Variants in RC3H2 observed in about 807,000 individuals in gnomAD.
RC3H2 encodes ring finger and CCCH-type domains 2.
Under a neutral mutation model 133.3 loss-of-function variants are expected in RC3H2, and 31 were observed. The ratio of observed to expected loss-of-function variants is 0.23; its 90% CI spans 0.17 to 0.31. The LOEUF is 0.31. Ranked by LOEUF, RC3H2 falls within the 10% of genes least tolerant of loss-of-function variation. The pLI, the probability that RC3H2 is intolerant of heterozygous loss-of-function variation, is 1.00. For synonymous variants in RC3H2, 517 were observed against 502.2 expected (o/e 1.03, Z -0.40); for missense variants, 1,175 against 1,437.2 (o/e 0.82, Z 2.95).
At position 122,875,271 on chromosome 9, in the gene RC3H2, C is replaced by T. The variant is rs938333692; in HGVS notation, c.1325+2200G>A. On this transcript the variant is annotated intron_variant, in intron 9 of 20. Transcript: ENST00000357244. Reference sequence around the variant, plus strand: ...GCACACACACTTATCTTCTCTCTATCACAATGCTGCTGCTTGTAGAGCTCA... The same window carrying T: ...GCACACACACTTATCTTCTCTCTATTACAATGCTGCTGCTTGTAGAGCTCA... 5 of 1,550,836 alleles carry T rather than the reference C, an allele frequency of 3.2e-6. No homozygotes were observed. The African/African-American group carries it at 5.5e-5, about 17-fold the overall frequency.
chr9:122,858,008 G>A lies in RC3H2; in HGVS notation c.2369C>T (p.Ala790Val), dbSNP rs1271929051. 2 of 1,614,142 alleles carry A rather than the reference G, an allele frequency of 1.2e-6. No homozygotes were observed. Among genetic ancestry groups the A allele is most frequent in the East Asian group, 4.5e-5 (2 of 44,876 alleles). The part of the protein sequence containing the change: ...DQWAQYHTQK[A>V]PLVSSTLPVA... ...AGGAAGAGTTGAAGAGACAAGAGGT[G>A]CTTTCTGAGTGTGGTACTGTGCCCA... The change falls in exon 13 of 21, where the codon GCA becomes GTA. Residue 790 changes from alanine to valine, a missense_variant. By Grantham distance (64) the Ala-to-Val change is moderately conservative. Transcript: ENST00000357244.
intron 1 of RC3H2, 26 bp downstream of exon 1, chr9:122,905,084 C>G: frequency 1.0e-6 from 1 of 985,224 alleles, no homozygotes; most frequent in Non-Finnish European, 1.2e-6. Flanking sequence ...GGGGCCCGAG[C>G]CGCATCGTGC....
intron 9 of RC3H2, chr9:122,874,975 G>A (rs1588085498): frequency 1.9e-6 from 1 of 517,678 alleles, no homozygotes. Flanking sequence ...GGGTGGAATG[G>A]CAATGAAACC....
rs150928117 is a variant in RC3H2 at position 122,902,053 on chromosome 9, C to T, written c.-68+3057G>A. On this transcript the variant is annotated intron_variant, in intron 1 of 20. Coordinates refer to ENST00000357244, the MANE Select transcript of RC3H2 (RefSeq NM_001100588.3). ...CAAGCGATTCTCCTGCCTCAGCCTC[C>T]GGAGTAGCTGGGATTACAGGCATGC... Among the ~76,000 whole-genome samples the T allele has an allele frequency of 7.6e-3, 1,156 of 151,922 alleles. 13 individuals are homozygous for T. The highest frequency in any genetic ancestry group is 0.026 in the African/African-American group (1,090 of 41,380).
At chr9:122,877,159 T>G (rs1184580863) in intron 9 of RC3H2, among the ~76,000 whole-genome samples, 2 of 152,142 alleles carry the variant, frequency 1.3e-5, no homozygotes, top group African/African-American at 4.8e-5. Flanking sequence ...AGCCTTGACC[T>G]ATGGGGTTCA....
rs1231110522 is a variant in RC3H2, at chr9:122,845,699, G to A, written c.*3928C>T. ...GATACAAGGAAGACGCTAGTATAAA[G>A]ACATTACTAGCAAACTTCTTCAATT... On this transcript the variant is annotated 3_prime_UTR_variant, in exon 21 of 21. Transcript: ENST00000357244. 2.0e-5 allele frequency: 3 copies of A among 152,098 alleles called. No individual in the cohort carries two copies. Among genetic ancestry groups the A allele is most frequent in the Non-Finnish European group, 4.4e-5 (3 of 68,008 alleles). 9.4% of individuals were successfully genotyped at this position (152,098 alleles called of 1,614,324 possible).
At chr9:122,854,495 G>T in intron 16 of RC3H2, 36 bp downstream of exon 16, 1 of 1,493,838 alleles carries the variant, frequency 6.7e-7, no homozygotes, top group African/African-American at 1.4e-5. Context: ...ACAAGTCTGA[G>T]AATGGAGAAT....
chr9:122,845,447 GA>G lies in RC3H2; in HGVS notation c.*4179del, dbSNP rs1473291946. 2 of 152,162 alleles carry G rather than the reference GA, an allele frequency of 1.3e-5. No individual in the cohort carries two copies. Among genetic ancestry groups the G allele is most frequent in the African/African-American group, 4.8e-5 (2 of 41,440 alleles). The allele number at this position is 152,162 out of a possible 1,614,324, so 9.4% of individuals were successfully genotyped here. A position where few individuals can be genotyped will look rare whatever the true frequency, so the allele number is the denominator to read the frequency against. On this transcript the variant is annotated 3_prime_UTR_variant, in exon 21 of 21. Coordinates refer to ENST00000357244, the MANE Select transcript of RC3H2 (RefSeq NM_001100588.3). ...AGTGAGGCCTAATTCTCGACAGGTT[GA>G]TGGAATATGTGCAAATGACCTTGGC...
chr9:122,868,263 G>C (rs1427165563), intron 9 of RC3H2, among the ~76,000 whole-genome samples: 2 of 152,226 alleles, frequency 1.3e-5, no homozygotes, highest in African/African-American at 4.8e-5. Context: ...CATTGAGAAC[G>C]GGCCATGATG....
In RC3H2 at chr9:122,879,886, A is replaced by AC. The variant is rs1831530773; in HGVS notation, c.1094-14dup. 6.2e-7 allele frequency: 1 copy of AC among 1,612,930 alleles called. No homozygotes were observed. The highest frequency in any genetic ancestry group is 1.1e-5 in the South Asian group (1 of 91,016). On this transcript the variant is annotated splice_polypyrimidine_tract_variant and intron_variant, in intron 7 of 20. Transcript: ENST00000357244. ...GGTGAAACAGCGTCTAAAATAAGCC[A>AC]CCAAGGGCATGGGGGTTGGGGGGGA... is the stretch of plus-strand genomic sequence containing the variant.
intron 4 of RC3H2, among the ~76,000 whole-genome samples, chr9:122,884,715 T>A (rs1023537581): frequency 6.6e-6 from 1 of 152,012 alleles, no homozygotes; most frequent in Non-Finnish European, 1.5e-5. Context: ...TAGCTGGGCA[T>A]GGTGGCGTGC....
At chr9:122,861,515 G>GA (rs57985244) in intron 10 of RC3H2, among the ~76,000 whole-genome samples, 132,865 of 136,400 alleles carry the variant, frequency 0.97, 64,795 homozygotes, top group East Asian at 1. Flanking sequence ...AAAAAGAAAA[G>GA]AAAAAAAACC....
intron 20 of RC3H2, among the ~76,000 whole-genome samples, chr9:122,850,845 C>A (rs1391289544): frequency 6.6e-6 from 1 of 152,158 alleles, no homozygotes; most frequent in East Asian, 1.9e-4. Context: ...AGAAGCATAA[C>A]CTGATGCTGG....
intron 20 of RC3H2, among the ~76,000 whole-genome samples, chr9:122,850,373 G>C (rs1480779371): frequency 6.6e-6 from 1 of 151,916 alleles, no homozygotes; most frequent in Non-Finnish European, 1.5e-5. Context: ...ATTTTTGGCA[G>C]TAATTATTCA....
Position 122,879,737 on chromosome 9 carries a change from T to C in RC3H2, c.1212+18A>G, listed in dbSNP as rs1234896823. The C allele has an allele frequency of 1.3e-6, 2 of 1,495,204 alleles. No individual in the cohort carries two copies. The highest frequency in any genetic ancestry group is 4.5e-5 in the East Asian group (2 of 44,180). The allele number at this position is 1,495,204 out of a possible 1,614,324, so 92.6% of individuals were successfully genotyped here. On this transcript the variant is annotated intron_variant, in intron 8 of 20. Coordinates refer to ENST00000357244, the MANE Select transcript of RC3H2 (RefSeq NM_001100588.3). ...AGTTAGAGACAACAGCAGTCAGAAA[T>C]GTAATAAATGTACTTACCTGAGGGG...
At chr9:122,896,222 T>C (rs1040139110) in intron 2 of RC3H2, among the ~76,000 whole-genome samples, 4 of 152,174 alleles carry the variant, frequency 2.6e-5, no homozygotes, top group African/African-American at 7.2e-5. Context: ...ATACAACACA[T>C]GTTCAGAAGA....
intron 1 of RC3H2, among the ~76,000 whole-genome samples, chr9:122,904,689 C>G (rs1832773563): frequency 6.6e-6 from 1 of 152,192 alleles, no homozygotes; most frequent in Admixed American, 6.5e-5. Context: ...ATCGCCTCCA[C>G]CACCCTCTAC....
intron 2 of RC3H2, among the ~76,000 whole-genome samples, chr9:122,895,292 C>T (rs1312560594): frequency 1.3e-5 from 2 of 151,952 alleles, no homozygotes; most frequent in Non-Finnish European, 2.9e-5. Context: ...CTCAGCCTCC[C>T]AAGTAGGTGG....
chr9:122,865,678 A>G, intron 9 of RC3H2, 21 bp from the exon 10 acceptor site: 1 of 1,592,976 alleles, frequency 6.3e-7, no homozygotes, highest in South Asian at 1.1e-5. Flanking sequence ...AACAATCAAC[A>G]GATTGGTGAA....
Sources: gnomAD v4.1 joint callset for allele counts (sites outside exome capture counted in the v4.1 genomes callset) on GRCh38, gnomAD v4.1.1 for gene constraint, MANE v1.5 for transcripts, NCBI Gene and HGNC (gene_info 2026-07-23, HGNC 2026-07-21) for gene names.